The following USP26 variants were observed in gnomAD, a reference collection of about 807,000 sequenced individuals.
USP26 encodes ubiquitin specific peptidase 26, also known as ubiquitin carboxyl-terminal hydrolase 26.
For synonymous variants in USP26, 236 were observed against 240.6 expected (o/e 0.98, Z 0.18); for missense variants, 649 against 642.3 (o/e 1.01, Z -0.11).
chrX:133,056,063 C>T (rs748284629), intron 5 of USP26, among the ~76,000 whole-genome samples: 14 of 111,348 alleles, frequency 1.3e-4, no homozygotes, highest in Non-Finnish European at 2.1e-4. Flanking sequence ...GTTTTCTCTA[C>T]GTGGAAATAA....
intron 5 of USP26, 150 bp from the exon 6 acceptor site, chrX:133,028,446 G>A: frequency 2.4e-6 from 1 of 424,367 alleles, no homozygotes; most frequent in South Asian, 3.9e-5. Flanking sequence ...GCCTTCCATG[G>A]CTGCATGAAG....
intron 5 of USP26, among the ~76,000 whole-genome samples, chrX:133,033,315 C>T (rs778727976): frequency 9.8e-5 from 11 of 112,111 alleles, no homozygotes; most frequent in East Asian, 2.8e-4. Flanking sequence ...ACTCAACAAA[C>T]GTCCGAGTCA....
chrX:133,056,852 G>C (rs1602979549), intron 5 of USP26, among the ~76,000 whole-genome samples: 1 of 111,723 alleles, frequency 9.0e-6, no homozygotes, highest in Non-Finnish European at 1.9e-5. Flanking sequence ...AGACTGGTGA[G>C]TGCCAATTAA....
At chrX:133,035,928 G>A (rs1193537903) in intron 5 of USP26, among the ~76,000 whole-genome samples, 3 of 111,592 alleles carry the variant, frequency 2.7e-5, no homozygotes, top group Non-Finnish European at 5.6e-5. Context: ...GGAGGCCAAG[G>A]CAGGTGGACC....
chrX:133,062,443 G>A (rs1016118341), intron 5 of USP26, among the ~76,000 whole-genome samples: 6 of 112,179 alleles, frequency 5.3e-5, no homozygotes, highest in African/African-American at 1.9e-4. Context: ...GTAGGTCCCT[G>A]ACCCCTGTGC....
At chrX:133,095,879 G>T (rs2067627942) in intron 1 of USP26, among the ~76,000 whole-genome samples, 1 of 109,828 alleles carries the variant, frequency 9.1e-6, no homozygotes, top group South Asian at 4.0e-4. Flanking sequence ...CCAGTAGATG[G>T]GATTACAGGC....
At position 133,026,198 on chromosome X, in the gene USP26, T is replaced by C; in HGVS notation, c.2023A>G (p.Lys675Glu). The change falls in exon 6 of 6, where the codon AAA becomes GAA. Residue 675 changes from lysine to glutamate, a missense_variant. Lys to Glu is a moderately conservative substitution (Grantham distance 56). Transcript: ENST00000511190. The part of the protein sequence containing the change: ...SLCQFHKAGG[K>E]PASSPGTPLS... ...GGTGTGCCTGGGCTGCTGGCAGGTTTACCTCCAGCTTTGTGGAACTGACAA... is the reference window on the plus strand; with the variant it reads ...GGTGTGCCTGGGCTGCTGGCAGGTTCACCTCCAGCTTTGTGGAACTGACAA... The C allele has an allele frequency of 8.3e-7, 1 of 1,211,018 alleles. No homozygotes were observed. The highest frequency in any genetic ancestry group is 1.1e-6 in the Non-Finnish European group (1 of 895,438).
chrX:133,027,063 A>G lies in USP26; in HGVS notation c.1158T>C (p.Phe386=). 1.7e-6 allele frequency: 2 copies of G among 1,211,614 alleles called. No individual in the cohort carries two copies. Among genetic ancestry groups the G allele is most frequent in the South Asian group, 3.5e-5 (2 of 56,975 alleles). The part of the protein sequence containing the change: ...HGNAQNDAHE[F]LAHCLDQLKD... ...TCAGTTGATCTAAACAGTGAGCTAA[A>G]AACTCATGAGCATCGTTCTGTGCAT... The change falls in exon 6 of 6, where the codon TTT becomes TTC. Residue 386 remains phenylalanine, a synonymous_variant. Transcript: ENST00000511190.
rs1017756695 is a variant in USP26, at chrX:133,061,212, T to G, written c.-77+22495A>C. ...AGGAATTTATTAATTGGTTGGTTGG[T>G]TGAAGTTAATGATTTCTCAAGTCCT... On this transcript the variant is annotated intron_variant, in intron 5 of 5. Coordinates refer to ENST00000511190, the MANE Select transcript of USP26 (RefSeq NM_031907.3). 2.1e-4 allele frequency among the ~76,000 whole-genome samples: 23 copies of G among 112,130 alleles called. 2 individuals carry two copies. The highest frequency in any genetic ancestry group is 9.4e-5 in the Admixed American group (1 of 10,617).
intron 5 of USP26, among the ~76,000 whole-genome samples, chrX:133,070,918 C>T (rs925980120): frequency 9.0e-6 from 1 of 111,406 alleles, no homozygotes; most frequent in Admixed American, 9.6e-5. Flanking sequence ...CAAACCTTGA[C>T]TATAAAATTA....
At chrX:133,077,665 G>A (rs750707422) in intron 5 of USP26, among the ~76,000 whole-genome samples, 31 of 111,897 alleles carry the variant, frequency 2.8e-4, no homozygotes, top group South Asian at 2.3e-3. Flanking sequence ...AAATATGACC[G>A]ATAATGTTGG....
rs1447343087 is a variant in USP26, at chrX:133,030,457, A to G, written c.-76-2161T>C. On this transcript the variant is annotated intron_variant, in intron 5 of 5. Coordinates refer to ENST00000511190, the MANE Select transcript of USP26 (RefSeq NM_031907.3). ...ATCTACTCTATGCTGTCTGCATATT[A>G]TGATTTGCTGAGTATCTGCTCAATG... Among the ~76,000 whole-genome samples, 6 of 112,441 alleles carry G rather than the reference A, an allele frequency of 5.3e-5. No homozygotes were observed. In the Admixed American group the frequency reaches 5.7e-4, roughly 11 times the overall value.
intron 1 of USP26, among the ~76,000 whole-genome samples, chrX:133,094,811 C>T (rs915199031): frequency 1.1e-4 from 12 of 111,569 alleles, no homozygotes; most frequent in African/African-American, 3.9e-4. Context: ...ATACCACAAA[C>T]GGGCTGGGCA....
At chrX:133,069,072 T>C (rs1236771638) in intron 5 of USP26, among the ~76,000 whole-genome samples, 1 of 111,882 alleles carries the variant, frequency 8.9e-6, no homozygotes, top group Non-Finnish European at 1.9e-5. Flanking sequence ...ACCCTTATAC[T>C]ACTTTTATTT....
chrX:133,076,699 G>A (rs2067549862), intron 5 of USP26, among the ~76,000 whole-genome samples: 3 of 111,993 alleles, frequency 2.7e-5, no homozygotes, highest in African/African-American at 9.7e-5. Flanking sequence ...GAGAAGCCCA[G>A]GTGGCAAGGA....
At chrX:133,052,477 G>T (rs1341905293) in intron 5 of USP26, among the ~76,000 whole-genome samples, 1 of 112,222 alleles carries the variant, frequency 8.9e-6, no homozygotes, top group African/African-American at 3.2e-5. Flanking sequence ...AAGTAAAATT[G>T]GATTTTTATT....
In USP26 at chrX:133,028,008, C is replaced by G. The variant is rs1569509499; in HGVS notation, c.213G>C (p.Leu71=). 1 of 1,211,123 alleles carries G rather than the reference C, an allele frequency of 8.3e-7. No individual in the cohort carries two copies. The highest frequency in any genetic ancestry group is 2.2e-5 in the Admixed American group (1 of 45,938). ...LKSYRGNQNH[L]HLTLQNNNGL... is the part of the protein sequence containing the mutation. The stretch of plus-strand genomic sequence containing the variant: ...CATTATTATTTTGTAAAGTTAAATG[C>G]AGGTGATTTTGGTTTCCTCTATAGG... Residue 71 remains leucine (L), a synonymous_variant, in exon 6 of 6, where the codon CTG becomes CTC. Coordinates refer to ENST00000511190, the MANE Select transcript of USP26 (RefSeq NM_031907.3).
chrX:133,044,970 G>T (rs1023072800), intron 5 of USP26, among the ~76,000 whole-genome samples: 6 of 95,603 alleles, frequency 6.3e-5, no homozygotes, highest in African/African-American at 2.0e-4. Flanking sequence ...AGCTAATCTG[G>T]TGGGGACTTG....
intron 1 of USP26, among the ~76,000 whole-genome samples, chrX:133,096,528 A>G (rs939356958): frequency 8.9e-6 from 1 of 111,986 alleles, no homozygotes; most frequent in African/African-American, 3.2e-5. Flanking sequence ...CGCAGCAGCT[A>G]ATGGCCATTA....
Sources: allele counts gnomAD v4.1 joint callset (sites outside exome capture counted in the v4.1 genomes callset), GRCh38; gene constraint gnomAD v4.1.1; transcripts MANE v1.5; gene names NCBI Gene and HGNC (gene_info 2026-07-23, HGNC 2026-07-21).